The following TRAPPC9 variants were observed in gnomAD, a reference collection of about 807,000 sequenced individuals.
The protein encoded by TRAPPC9 is trafficking protein particle complex subunit 9.
A neutral mutation model predicts 124.0 loss-of-function variants in TRAPPC9; 83 were observed. The ratio of observed to expected loss-of-function variants is 0.67; its 90% confidence interval spans 0.56 to 0.80. The LOEUF (loss-of-function observed/expected upper bound fraction) is 0.80. Among genes scored for constraint, TRAPPC9 ranks in the 30% least tolerant of loss-of-function variants. TRAPPC9 has a pLI of 0.00. For synonymous variants in TRAPPC9, 638 were observed against 617.5 expected, an observed-to-expected ratio of 1.03 and a Z score of -0.49; for missense variants, 1,302 against 1,508.3, an observed-to-expected ratio of 0.86 and a Z score of 2.27.
chr8:140,438,347 T>C (rs1419347749), intron 3 of TRAPPC9, among the ~76,000 whole-genome samples: 1 of 152,226 alleles, frequency 6.6e-6, no homozygotes, highest in African/African-American at 2.4e-5. Flanking sequence ...TTTCACTCCT[T>C]TTCATGGCTG....
chr8:140,328,817 C>T (rs185919006), intron 9 of TRAPPC9, among the ~76,000 whole-genome samples: 3 of 151,978 alleles, frequency 2.0e-5, no homozygotes, highest in Admixed American at 6.5e-5. Flanking sequence ...TTATAATTTA[C>T]GAATTAGGGT....
At position 140,028,376 on chromosome 8, in the gene TRAPPC9, T is replaced by C. The variant is rs75101609; in HGVS notation, c.2557-4297A>G. ...ACACAACTTATTATTCCAGCTAACA[T>C]GAAAGGCCTGTCAGTAGGTACCTTT... On this transcript the variant is annotated intron_variant, in intron 17 of 22. Transcript: ENST00000438773. Among the ~76,000 whole-genome samples the C allele has an allele frequency of 5.1e-3, 782 of 152,266 alleles. 1 individual carries two copies. The highest frequency in any genetic ancestry group is 9.0e-3 in the Non-Finnish European group (611 of 68,012).
chr8:140,214,223 G>C (rs1004567956), intron 17 of TRAPPC9, among the ~76,000 whole-genome samples: 1 of 152,210 alleles, frequency 6.6e-6, no homozygotes, highest in Non-Finnish European at 1.5e-5. Flanking sequence ...TTCTGGTTAC[G>C]ATGACATGTT....
chr8:140,115,267 A>ACGT (rs2060856804), intron 17 of TRAPPC9, among the ~76,000 whole-genome samples: 2 of 144,788 alleles, frequency 1.4e-5, no homozygotes, highest in Non-Finnish European at 3.0e-5. Flanking sequence ...AGTTGTTATA[A>ACGT]TGGTTTTTTT....
At chr8:140,109,115 T>C (rs2060718153) in intron 17 of TRAPPC9, among the ~76,000 whole-genome samples, 1 of 152,182 alleles carries the variant, frequency 6.6e-6, no homozygotes, top group Non-Finnish European at 1.5e-5. Flanking sequence ...ATAAAAATTA[T>C]ATAATGAAAG....
At chr8:139,898,976 C>T (rs1204220835) in intron 20 of TRAPPC9, among the ~76,000 whole-genome samples, 2 of 151,706 alleles carry the variant, frequency 1.3e-5, no homozygotes, top group African/African-American at 4.8e-5. Flanking sequence ...AAAAATTAGC[C>T]AGGCACGGTG....
At chr8:140,413,733 T>C (rs1055534879) in intron 5 of TRAPPC9, among the ~76,000 whole-genome samples, 7 of 146,060 alleles carry the variant, frequency 4.8e-5, no homozygotes, top group African/African-American at 1.8e-4. Context: ...ATTGTTCAAT[T>C]CCCACCTATG....
intron 18 of TRAPPC9, among the ~76,000 whole-genome samples, chr8:140,012,535 G>A (rs1377521370): frequency 2.6e-5 from 4 of 152,236 alleles, no homozygotes; most frequent in East Asian, 1.9e-4. Context: ...AAGGAGGCCC[G>A]CTTTATAAAG....
At chr8:139,870,195 C>A (rs1828811571) in intron 21 of TRAPPC9, among the ~76,000 whole-genome samples, 1 of 152,086 alleles carries the variant, frequency 6.6e-6, no homozygotes, top group African/African-American at 2.4e-5. Flanking sequence ...TGACTTGGGG[C>A]CAATTAGGTG....
rs1481639680 is a variant in TRAPPC9, at chr8:140,045,640, A to AC, written c.2557-21562_2557-21561insG. Among the ~76,000 whole-genome samples the AC allele has an allele frequency of 9.5e-5, 13 of 136,532 alleles. 1 individual carries two copies. Among genetic ancestry groups the AC allele is most frequent in the African/African-American group, 1.4e-4 (5 of 36,398 alleles). 89.6% of individuals were successfully genotyped at this position (136,532 alleles called of 152,430 possible). A position where few individuals can be genotyped will look rare whatever the true frequency, so the allele number is the denominator to read the frequency against. ...AGACTCCATCTCGGCAGAAAAAAAA[A>AC]AAAAAAAAAAAAAAAAAAACCAAGT... On this transcript the variant is annotated intron_variant, in intron 17 of 22. Transcript: ENST00000438773.
chr8:140,226,204 C>G (rs1041722438), intron 16 of TRAPPC9, among the ~76,000 whole-genome samples: 1 of 152,056 alleles, frequency 6.6e-6, no homozygotes, highest in South Asian at 2.1e-4. Flanking sequence ...ACAGAAGGTA[C>G]GAGAAGGGAC....
chr8:139,926,485 C>T (rs917778016), intron 19 of TRAPPC9, among the ~76,000 whole-genome samples: 1 of 151,664 alleles, frequency 6.6e-6, no homozygotes, highest in Non-Finnish European at 1.5e-5. Context: ...ACCAGACTCC[C>T]GTGACAAAAG....
intron 16 of TRAPPC9, among the ~76,000 whole-genome samples, chr8:140,229,245 CTTTTTCTT>C (rs1563864128): frequency 1.1e-5 from 1 of 90,792 alleles, no homozygotes; most frequent in Non-Finnish European, 2.0e-5. Context: ...CGTATGTTTT[CTTTTTCTT>C]TTTTTTTTTT....
At chr8:139,888,596 G>A (rs1185613095) in intron 20 of TRAPPC9, among the ~76,000 whole-genome samples, 7 of 152,028 alleles carry the variant, frequency 4.6e-5, no homozygotes, top group Non-Finnish European at 8.8e-5. Flanking sequence ...CTGTTGCCTC[G>A]AACTCCCTTG....
At chr8:139,814,331 C>T (rs2130762032) in intron 21 of TRAPPC9, among the ~76,000 whole-genome samples, 1 of 152,318 alleles carries the variant, frequency 6.6e-6, no homozygotes, top group Admixed American at 6.5e-5. Context: ...AAGCCAAAAA[C>T]AGTCACCGTC....
rs1376545747 is a variant in TRAPPC9 at position 140,097,782 on chromosome 8, T to C, written c.2557-73703A>G. ...GTGAGGAGCCTGCCTGGGTCCTCCA[T>C]ACGCAGTCGCAGCTGTGCCGCTGCT... is the stretch of plus-strand genomic sequence containing the variant. On this transcript the variant is annotated intron_variant, in intron 17 of 22. Transcript: ENST00000438773. This position sits in a 1 kb window ranked among gnomAD's most constrained non-coding sequence, Gnocchi z 4.2. 1 of 151,888 alleles carries C rather than the reference T, an allele frequency of 6.6e-6. No homozygotes were observed. Among genetic ancestry groups the C allele is most frequent in the African/African-American group, 2.4e-5 (1 of 41,296 alleles). 9.4% of individuals were successfully genotyped at this position (151,888 alleles called of 1,614,324 possible). A position where few individuals can be genotyped will look rare whatever the true frequency, so the allele number is the denominator to read the frequency against.
intron 21 of TRAPPC9, among the ~76,000 whole-genome samples, chr8:139,775,867 G>A (rs1374449215): frequency 2.0e-5 from 3 of 152,236 alleles, no homozygotes; most frequent in South Asian, 2.1e-4. Flanking sequence ...TCAAAGTGCC[G>A]TGTGCCTGGA....
At chr8:139,987,071 G>C (rs7845784) in intron 19 of TRAPPC9, among the ~76,000 whole-genome samples, 15,942 of 152,210 alleles carry the variant, frequency 0.1, 1,024 homozygotes, top group African/African-American at 0.18. Flanking sequence ...CCTGAGAGTT[G>C]CAAGTGCTGT....
chr8:140,273,065 T>C (rs1371519285), intron 15 of TRAPPC9, among the ~76,000 whole-genome samples: 9 of 152,150 alleles, frequency 5.9e-5, no homozygotes, highest in African/African-American at 2.2e-4. Flanking sequence ...CCATTCTTAG[T>C]GTTATTTTAC....
Sources: gnomAD v4.1 joint callset for allele counts (sites outside exome capture counted in the v4.1 genomes callset) on GRCh38, gnomAD v4.1.1 for gene constraint, Gnocchi (gnomAD v3.1) non-coding constraint, MANE v1.5 for transcripts, NCBI Gene and HGNC (gene_info 2026-07-23, HGNC 2026-07-21) for gene names.